Variants in DSG3 observed in about 807,000 individuals in gnomAD.
DSG3 encodes the protein desmoglein 3.
In DSG3, 63 loss-of-function variants were observed where a neutral mutation model predicts 85.9. The observed-to-expected ratio is 0.73, with a 90% CI of 0.60 to 0.90. The LOEUF (loss-of-function observed/expected upper bound fraction) is 0.90. DSG3 is among the 40% of genes least tolerant of loss of function. DSG3 has a pLI of 0.00. For missense variants in DSG3, 1,220 were observed against 1,219.9 expected (o/e 1.00, Z 0.00); for synonymous variants, 447 against 441.9 (o/e 1.01, Z -0.14).
chr18:31,472,449 T>C (rs762468272), intron 13 of DSG3, 26 bp downstream of exon 13: 5 of 1,596,676 alleles, frequency 3.1e-6, no homozygotes, highest in Non-Finnish European at 4.3e-6. Flanking sequence ...ATAAATTATG[T>C]ATTTCAATTA....
At chr18:31,469,758 T>C (rs1433800532) in intron 12 of DSG3, among the ~76,000 whole-genome samples, 1 of 152,080 alleles carries the variant, frequency 6.6e-6, no homozygotes, top group Non-Finnish European at 1.5e-5. Flanking sequence ...CAAACAAAGT[T>C]AGGGAAATAC....
At position 31,459,983 on chromosome 18, in the gene DSG3, G is replaced by T. The variant is rs150764801; in HGVS notation, c.656G>T (p.Arg219Leu). The T allele has an allele frequency of 2.5e-3, 3,990 of 1,613,862 alleles. 147 individuals carry two copies. In the Admixed American group the frequency reaches 0.057, roughly 23 times the overall value. Reference sequence around the variant, plus strand: ...CTAAGCAGAAACACTGGGGAAGTCCGTACTTTGACCAATTCTCTTGACCGA... The same window carrying T: ...CTAAGCAGAAACACTGGGGAAGTCCTTACTTTGACCAATTCTCTTGACCGA... ...FLLSRNTGEVRTLTNSLDREQ... is the reference protein window; with the variant it reads ...FLLSRNTGEVLTLTNSLDREQ... The change falls in exon 6 of 16, where the codon CGT (arginine) becomes CTT (leucine). Residue 219 changes from arginine (R) to leucine (L), a missense_variant. By Grantham distance (102) the Arg-to-Leu change is moderately radical. Coordinates refer to ENST00000257189, the MANE Select transcript of DSG3 (RefSeq NM_001944.3).
intron 6 of DSG3, 128 bp from the exon 7 acceptor site, chr18:31,460,705 C>G: frequency 3.6e-6 from 3 of 837,398 alleles, no homozygotes; most frequent in Non-Finnish European, 5.3e-6. Context: ...ACCCAACCAT[C>G]CAGAGTCCCA....
chr18:31,453,677 A>G (rs2144261941), intron 1 of DSG3, among the ~76,000 whole-genome samples: 1 of 152,292 alleles, frequency 6.6e-6, no homozygotes, highest in East Asian at 1.9e-4. Flanking sequence ...TGCTTTAAAA[A>G]TCATATAATT....
rs1216191004 is a variant in DSG3, at chr18:31,464,298, T to A, written c.1187T>A (p.Ile396Lys). 3 of 1,613,948 alleles carry A rather than the reference T, an allele frequency of 1.9e-6. No individual in the cohort carries two copies. The highest frequency in any genetic ancestry group is 2.5e-6 in the Non-Finnish European group (3 of 1,179,986). The change falls in exon 9 of 16, where the codon ATA becomes AAA. Residue 396 changes from isoleucine (I) to lysine (K), a missense_variant. Transcript: ENST00000257189. ...ASKTFTVQKGISSKKLVDYIL... is the reference protein window; with the variant it reads ...ASKTFTVQKGKSSKKLVDYIL... ...AAGACATTTACTGTGCAAAAAGGCATAAGTAGCAAAAAATTGGTGGATTAT... is the reference window on the plus strand; with the variant it reads ...AAGACATTTACTGTGCAAAAAGGCAAAAGTAGCAAAAAATTGGTGGATTAT...
intron 1 of DSG3, among the ~76,000 whole-genome samples, chr18:31,454,897 C>T (rs148218265): frequency 6.6e-6 from 1 of 151,538 alleles, no homozygotes; most frequent in East Asian, 1.9e-4. Context: ...ACTCGGGAGG[C>T]TAAGGCAAGA....
intron 11 of DSG3, among the ~76,000 whole-genome samples, chr18:31,468,048 G>T (rs2072832742): frequency 6.6e-6 from 1 of 152,224 alleles, no homozygotes; most frequent in Non-Finnish European, 1.5e-5. Context: ...ATTGGACTAG[G>T]TGGGCAAGGC....
In DSG3 at chr18:31,476,076, C is replaced by T; in HGVS notation, c.2816C>T (p.Ala939Val). Reference protein sequence around the residue: ...GNYLVTETYSASGSLVQPSTA... With the variant: ...GNYLVTETYSVSGSLVQPSTA... ...TATTTAGTAACGGAGACTTACTCGG[C>T]TTCTGGTTCCCTCGTGCAACCTTCC... Residue 939 changes from alanine (A) to valine (V), a missense_variant, in exon 16 of 16, where the codon GCT becomes GTT. By Grantham distance (64) the Ala-to-Val change is moderately conservative (BLOSUM62 0). Transcript: ENST00000257189. 6.2e-7 allele frequency: 1 copy of T among 1,614,234 alleles called. No individual in the cohort carries two copies. The highest frequency in any genetic ancestry group is 8.5e-7 in the Non-Finnish European group (1 of 1,180,058).
At chr18:31,452,480 C>T (rs978706729) in intron 1 of DSG3, among the ~76,000 whole-genome samples, 4 of 126,916 alleles carry the variant, frequency 3.2e-5, no homozygotes, top group African/African-American at 1.2e-4. Flanking sequence ...GATGGCGCTA[C>T]TGCACTTCAG....
chr18:31,448,310 T>C (rs2072690811), intron 1 of DSG3, among the ~76,000 whole-genome samples: 1 of 152,220 alleles, frequency 6.6e-6, no homozygotes, highest in South Asian at 2.1e-4. Flanking sequence ...ACATGTCTCT[T>C]AGCATATAGC....
intron 9 of DSG3, 127 bp downstream of exon 9, chr18:31,464,509 G>A: frequency 9.6e-7 from 1 of 1,040,756 alleles, no homozygotes; most frequent in Non-Finnish European, 1.3e-6. Context: ...CAAGAAACTG[G>A]GTAACTCAAA....
At chr18:31,460,158 T>C (rs753090380) in intron 6 of DSG3, 147 bp downstream of exon 6, 3 of 878,396 alleles carry the variant, frequency 3.4e-6, no homozygotes, top group Non-Finnish European at 5.0e-6. Context: ...ATTGTTTGCA[T>C]TTTTAAGTGT....
At chr18:31,458,740 C>A in intron 4 of DSG3, 140 bp downstream of exon 4, 2 of 1,030,612 alleles carry the variant, frequency 1.9e-6, no homozygotes, top group Non-Finnish European at 2.8e-6. Flanking sequence ...ATTAGTCCCT[C>A]CACAGAGCCT....
intron 10 of DSG3, 127 bp downstream of exon 10, chr18:31,465,584 T>G (rs1048573610): frequency 1.1e-6 from 1 of 932,536 alleles, no homozygotes; most frequent in African/African-American, 1.7e-5. Context: ...CTTAGGAGTG[T>G]TGGGCCTCAA....
Position 31,465,375 on chromosome 18 carries a change from A to G in DSG3, c.1329A>G (p.Glu443=). Residue 443 remains glutamate, a synonymous_variant, in exon 10 of 16, where the codon GAA becomes GAG. Transcript: ENST00000257189. Reference sequence around the variant, plus strand: ...TAATGATTGATTCAAAAACTGCTGAAATCAAATTTGTCAAAAATATGAACC... The same window carrying G: ...TAATGATTGATTCAAAAACTGCTGAGATCAAATTTGTCAAAAATATGAACC... ...GYLMIDSKTA[E]IKFVKNMNRD... is the part of the protein sequence containing the mutation. 1 of 1,549,930 alleles carries G rather than the reference A, an allele frequency of 6.5e-7. No homozygotes were observed. The highest frequency in any genetic ancestry group is 1.9e-5 in the Admixed American group (1 of 52,554).
intron 8 of DSG3, among the ~76,000 whole-genome samples, chr18:31,463,259 AC>A (rs2072797166): frequency 6.6e-6 from 1 of 152,126 alleles, no homozygotes; most frequent in Non-Finnish European, 1.5e-5. Context: ...TTTGCCTCTT[AC>A]CCCTTGTATT....
chr18:31,471,256 A>C (rs1442675422), intron 12 of DSG3, among the ~76,000 whole-genome samples: 2 of 152,148 alleles, frequency 1.3e-5, no homozygotes, highest in East Asian at 3.8e-4. Context: ...AAAAAAATTC[A>C]TATGTTGAAA....
rs753035002 is a variant in DSG3, at chr18:31,475,808, G to A, written c.2548G>A (p.Gly850Arg). The A allele has an allele frequency of 1.2e-6, 2 of 1,614,110 alleles. No homozygotes were observed. The highest frequency in any genetic ancestry group is 1.7e-6 in the Non-Finnish European group (2 of 1,180,032). ...DLDDSFLDSL[G>R]PKFKKLAEIS... ...GGATGACAGCTTCTTGGACTCACTT[G>A]GACCCAAATTTAAAAAACTTGCAGA... Residue 850 changes from glycine (G) to arginine (R), a missense_variant, in exon 16 of 16, where the codon GGA (glycine) becomes AGA (arginine). By Grantham distance (125) the Gly-to-Arg change is moderately radical. Coordinates refer to ENST00000257189, the MANE Select transcript of DSG3 (RefSeq NM_001944.3).
In DSG3 at chr18:31,474,198, G is replaced by A; in HGVS notation, c.2179G>A (p.Ala727Thr). The change falls in exon 15 of 16, where the codon GCA becomes ACA. Residue 727 changes from alanine (A) to threonine (T), a missense_variant. Physicochemically the swap from Ala to Thr is moderately conservative, Grantham distance 58 (BLOSUM62 0). Coordinates refer to ENST00000257189, the MANE Select transcript of DSG3 (RefSeq NM_001944.3). ...AATGGAAATGACCACTAAGCTTGGA[G>A]CAGCCACTGAATCTGGAGGTGCTGC... ...SGMEMTTKLG[A>T]ATESGGAAGF... 1 of 1,614,232 alleles carries A rather than the reference G, an allele frequency of 6.2e-7. No homozygotes were observed. Among genetic ancestry groups the A allele is most frequent in the Non-Finnish European group, 8.5e-7 (1 of 1,180,050 alleles).
Sources: gnomAD v4.1 joint callset for allele counts (sites outside exome capture counted in the v4.1 genomes callset) on GRCh38, gnomAD v4.1.1 for gene constraint, MANE v1.5 for transcripts, NCBI Gene and HGNC (gene_info 2026-07-23, HGNC 2026-07-21) for gene names.